RANBP2: variants seen among roughly 807,000 people sequenced by gnomAD.
RANBP2 encodes the protein E3 SUMO-protein ligase RanBP2.
In RANBP2, 57 loss-of-function variants were observed where a neutral mutation model predicts 303.6. The observed-to-expected ratio is 0.19, with a 90% CI of 0.15 to 0.23. The LOEUF is 0.23. Ranked by LOEUF, RANBP2 falls within the 10% of genes least tolerant of loss-of-function variation. The pLI is 1.00. For missense variants in RANBP2, 3,138 were observed against 3,780.8 expected (o/e 0.83, Z 4.46); for synonymous variants, 1,167 against 1,301.5 (o/e 0.90, Z 2.23).
chr2:108,982,891 C>T, the RANBP2 span, among the ~76,000 whole-genome samples: 2 of 152,208 alleles, frequency 1.3e-5, no homozygotes, highest in African/African-American at 4.8e-5. Flanking sequence ...GGACTGGCCA[C>T]CCAGACAGGC....
the RANBP2 span, among the ~76,000 whole-genome samples, chr2:109,692,921 C>A: frequency 2.0e-5 from 3 of 149,304 alleles, no homozygotes; most frequent in Non-Finnish European, 3.0e-5. Flanking sequence ...CGGGTTCAAG[C>A]GATTCTCGTG....
chr2:109,209,047 T>TAG, the RANBP2 span, among the ~76,000 whole-genome samples: 1 of 152,202 alleles, frequency 6.6e-6, no homozygotes, highest in Non-Finnish European at 1.5e-5. Flanking sequence ...CCAGCACCTG[T>TAG]AGACCCACAC....
the RANBP2 span, chr2:109,545,692 A>G: frequency 6.8e-7 from 1 of 1,461,638 alleles, no homozygotes; most frequent in Non-Finnish European, 9.0e-7. Context: ...ATTCAAAATA[A>G]CTCATGGTAG....
chr2:108,808,028 G>A, the RANBP2 span, among the ~76,000 whole-genome samples: 1 of 152,220 alleles, frequency 6.6e-6, no homozygotes, highest in Middle Eastern at 3.4e-3. Context: ...AGATCAACTT[G>A]TTTTTTAGCT....
chr2:109,686,475 A>T, the RANBP2 span, among the ~76,000 whole-genome samples: 13 of 151,630 alleles, frequency 8.6e-5, no homozygotes, highest in Non-Finnish European at 1.5e-4. Flanking sequence ...CCACCATGCC[A>T]GGCTAATTTT....
chr2:109,419,542 G>A, the RANBP2 span: 1 of 1,593,480 alleles, frequency 6.3e-7, no homozygotes, highest in Non-Finnish European at 8.5e-7. Context: ...TTTCCAGGAT[G>A]TCTCCTCCTC....
At chr2:109,555,858 TA>T in the RANBP2 span, among the ~76,000 whole-genome samples, 1 of 152,210 alleles carries the variant, frequency 6.6e-6, no homozygotes. Flanking sequence ...CAGTTTCTTG[TA>T]AGTTTTCATT....
chr2:109,295,775 A>G, the RANBP2 span, among the ~76,000 whole-genome samples: 3 of 152,156 alleles, frequency 2.0e-5, no homozygotes, highest in Non-Finnish European at 4.4e-5. Context: ...TCTTGTGGGC[A>G]CGTCTGTGGT....
the RANBP2 span, among the ~76,000 whole-genome samples, chr2:109,518,946 T>G: frequency 2.4e-5 from 3 of 127,156 alleles, no homozygotes; most frequent in South Asian, 2.6e-4. Flanking sequence ...TTTGAGGGAG[T>G]CTCGCTCTGT....
the RANBP2 span, among the ~76,000 whole-genome samples, chr2:109,254,865 G>A: frequency 5.9e-5 from 9 of 152,286 alleles, no homozygotes; most frequent in South Asian, 1.0e-3. Flanking sequence ...GTGGATGTCC[G>A]AATTCTCACG....
chr2:109,604,659 G>A, the RANBP2 span, among the ~76,000 whole-genome samples: 5 of 151,150 alleles, frequency 3.3e-5, no homozygotes, highest in Non-Finnish European at 5.9e-5. Context: ...CCGGGGAGGC[G>A]GAGCTTACAG....
chr2:109,115,441 TAGGATTGCAAC>T, the RANBP2 span, among the ~76,000 whole-genome samples: 47 of 152,324 alleles, frequency 3.1e-4, no homozygotes, highest in South Asian at 8.3e-4. Context: ...TATCAGATAC[TAGGATTGCAAC>T]CCCTGCCTTT....
the RANBP2 span, among the ~76,000 whole-genome samples, chr2:109,334,368 A>G: frequency 1.4e-5 from 2 of 139,500 alleles, no homozygotes; most frequent in Non-Finnish European, 3.0e-5. Flanking sequence ...TAAAAAAAAA[A>G]AAAAAAAAAT....
the RANBP2 span, among the ~76,000 whole-genome samples, chr2:109,690,264 A>T: frequency 1.3e-5 from 2 of 152,208 alleles, no homozygotes; most frequent in Non-Finnish European, 2.9e-5. Flanking sequence ...CATATGTAAG[A>T]TGAACGTTGG....
chr2:108,987,869 C>T, the RANBP2 span, among the ~76,000 whole-genome samples: 1 of 152,318 alleles, frequency 6.6e-6, no homozygotes, highest in South Asian at 2.1e-4. Context: ...TTTTAAGTGG[C>T]TATGACTTAC....
the RANBP2 span, among the ~76,000 whole-genome samples, chr2:108,995,183 C>T: frequency 6.6e-6 from 1 of 151,964 alleles, no homozygotes; most frequent in Admixed American, 6.6e-5. Flanking sequence ...TTTCTAGAGA[C>T]AGGGTCTTGC....
intron 6 of RANBP2, 56 bp downstream of exon 6, chr2:108,736,305 G>A: frequency 1.9e-6 from 3 of 1,611,788 alleles, no homozygotes; most frequent in Non-Finnish European, 1.7e-6. Flanking sequence ...TCTTTTTGCA[G>A]TAAGTTCATT....
chr2:109,646,661 T>A, the RANBP2 span, among the ~76,000 whole-genome samples: 1 of 146,984 alleles, frequency 6.8e-6, no homozygotes, highest in South Asian at 2.2e-4. Flanking sequence ...CTGGCTATTT[T>A]TTTTTTTTTT....
At chr2:108,755,129 G>A (rs781123936) in intron 16 of RANBP2, 45 bp downstream of exon 16, 1 of 1,611,796 alleles carries the variant, frequency 6.2e-7, no homozygotes, top group South Asian at 1.1e-5. Context: ...AATTGTTTCT[G>A]TTCTAAGTGT....
Sources: gnomAD v4.1 joint callset for allele counts (sites outside exome capture counted in the v4.1 genomes callset) on GRCh38, gnomAD v4.1.1 for gene constraint, MANE v1.5 for transcripts, NCBI Gene and HGNC (gene_info 2026-07-23, HGNC 2026-07-21) for gene names.